GBF1: variants seen among roughly 807,000 people sequenced by gnomAD.
GBF1 encodes the protein Golgi-specific brefeldin A-resistance guanine nucleotide exchange factor 1.
A neutral mutation model predicts 210.5 loss-of-function variants in GBF1; 114 were observed. The ratio of observed to expected loss-of-function variants is 0.54; its 90% confidence interval spans 0.47 to 0.63. The LOEUF (loss-of-function observed/expected upper bound fraction) is 0.63, where lower values mean the gene tolerates loss of function less well. Ranked by LOEUF, GBF1 falls within the 30% of genes least tolerant of loss-of-function variation. The pLI is 0.00. For synonymous variants in GBF1, 850 were observed against 889.2 expected (o/e 0.96, Z 0.78); for missense variants, 1,851 against 2,357.7 (o/e 0.79, Z 4.45).
chr10:102,369,578 T>C, intron 24 of GBF1, 133 bp from the exon 25 acceptor site: 1 of 917,238 alleles, frequency 1.1e-6, no homozygotes, highest in East Asian at 2.6e-5. Context: ...TAGATGCCAT[T>C]GCCAGTCACC....
intron 3 of GBF1, among the ~76,000 whole-genome samples, chr10:102,334,105 G>T (rs1393771999): frequency 6.6e-6 from 1 of 152,168 alleles, no homozygotes; most frequent in Non-Finnish European, 1.5e-5. Context: ...TATTTGCAGG[G>T]TAAAGAACAT....
chr10:102,234,733 A>G, the GBF1 span, among the ~76,000 whole-genome samples: 1 of 152,174 alleles, frequency 6.6e-6, no homozygotes, highest in East Asian at 1.9e-4. Flanking sequence ...GAGCTGGGAA[A>G]AAACCCAGAG....
chr10:102,340,780 G>T (rs766346587), intron 3 of GBF1, among the ~76,000 whole-genome samples: 1 of 152,136 alleles, frequency 6.6e-6, no homozygotes, highest in Non-Finnish European at 1.5e-5. Context: ...AAGGAAAAAT[G>T]AGCCTCAATC....
chr10:102,380,970 G>C (rs2060808113), intron 38 of GBF1, among the ~76,000 whole-genome samples, 157 bp from the exon 39 acceptor site: 1 of 152,014 alleles, frequency 6.6e-6, no homozygotes, highest in Non-Finnish European at 1.5e-5. Context: ...ATCACAGCCT[G>C]AGTGACAGAA....
Position 102,259,040 on chromosome 10 carries a change from T to C in GBF1, c.96+6T>C, listed in dbSNP as rs200191990. 2 of 1,455,996 alleles carry C rather than the reference T, an allele frequency of 1.4e-6. No individual in the cohort carries two copies. Among genetic ancestry groups the C allele is most frequent in the Non-Finnish European group, 1.9e-6 (2 of 1,035,726 alleles). 90.2% of individuals were successfully genotyped at this position (1,455,996 alleles called of 1,614,324 possible). ...GGAGCACCCATACACCACTGGTAAG[T>C]GGGAAATGGATAAATAGCCTGGTCA... On this transcript the variant is annotated splice_donor_region_variant and intron_variant, in intron 2 of 39. Transcript: ENST00000369983.
At chr10:102,231,632 C>T in the GBF1 span, 1 of 1,611,814 alleles carries the variant, frequency 6.2e-7, no homozygotes, top group Non-Finnish European at 8.5e-7. Flanking sequence ...GCGATCTCCT[C>T]GCGCGTGCTC....
chr10:102,299,534 G>A (rs1014277316), intron 3 of GBF1, among the ~76,000 whole-genome samples: 3 of 152,210 alleles, frequency 2.0e-5, no homozygotes, highest in Non-Finnish European at 2.9e-5. Context: ...TGTAATCCCA[G>A]CACTTTGGGA....
intron 3 of GBF1, among the ~76,000 whole-genome samples, chr10:102,295,143 A>G (rs2076811485): frequency 6.6e-6 from 1 of 152,154 alleles, no homozygotes; most frequent in Non-Finnish European, 1.5e-5. Context: ...ATAGAGCTCC[A>G]CTCATTTGTT....
Position 102,363,142 on chromosome 10 carries a change from G to A in GBF1, c.1877-114G>A. 1.1e-6 allele frequency: 1 copy of A among 924,036 alleles called. No individual in the cohort carries two copies. The highest frequency in any genetic ancestry group is 1.9e-5 in the South Asian group (1 of 53,354). 57.2% of individuals were successfully genotyped at this position (924,036 alleles called of 1,614,324 possible). On this transcript the variant is annotated intron_variant, in intron 15 of 39. Transcript: ENST00000369983. The surrounding 1 kb of genome is among the most constrained non-coding windows in gnomAD (Gnocchi z 4.2). Reference sequence around the variant, plus strand: ...GCTTGGGTTTGTCCTGCTCAGGGCTGGCGCCCTGTGCAGGAACCATGCAGG... The same window carrying A: ...GCTTGGGTTTGTCCTGCTCAGGGCTAGCGCCCTGTGCAGGAACCATGCAGG...
chr10:102,240,592 A>C (rs1270646120), upstream of GBF1, among the ~76,000 whole-genome samples: 1 of 152,218 alleles, frequency 6.6e-6, no homozygotes, highest in Non-Finnish European at 1.5e-5. Context: ...CGCCACTGCC[A>C]GACACAACTC....
chr10:102,269,360 T>G (rs1420299691), intron 3 of GBF1, among the ~76,000 whole-genome samples: 3 of 152,148 alleles, frequency 2.0e-5, no homozygotes, highest in African/African-American at 4.8e-5. Context: ...GGCATATGAT[T>G]TGGTGGAAAG....
intron 4 of GBF1, among the ~76,000 whole-genome samples, chr10:102,345,668 A>G (rs2058511171): frequency 6.6e-6 from 1 of 151,426 alleles, no homozygotes; most frequent in Non-Finnish European, 1.5e-5. Context: ...AAAAAAAAAA[A>G]AAAAGCAGAT....
rs915283303 is a variant in GBF1 at position 102,367,425 on chromosome 10, G to T, written c.2560-53G>T. The T allele has an allele frequency of 3.2e-6, 4 of 1,258,674 alleles. No homozygotes were observed. In the East Asian group the frequency reaches 9.2e-5, roughly 29 times the overall value. 78.0% of individuals were successfully genotyped at this position (1,258,674 alleles called of 1,614,324 possible). A position where few individuals can be genotyped will look rare whatever the true frequency, so the allele number is the denominator to read the frequency against. On this transcript the variant is annotated intron_variant, in intron 20 of 39. Transcript: ENST00000369983. ...TTACTGAAAACCCAGGAGTTCCTTA[G>T]GTGGGGCTTCAGTGTTGACACAAGG... is the stretch of plus-strand genomic sequence containing the variant.
Position 102,380,242 on chromosome 10 carries a change from G to T in GBF1, c.4879-7G>T. On this transcript the variant is annotated splice_polypyrimidine_tract_variant and splice_region_variant and intron_variant, in intron 36 of 39. Coordinates refer to ENST00000369983, the MANE Select transcript of GBF1 (RefSeq NM_001377137.1). ...CCCCTCAGCTGAAGGGGGCTGGTGG[G>T]CCATAGGTCTTCCTGCAGCACCTGT... 6.3e-7 allele frequency: 1 copy of T among 1,597,128 alleles called. No individual in the cohort carries two copies. The highest frequency in any genetic ancestry group is 8.6e-7 in the Non-Finnish European group (1 of 1,164,496).
intron 3 of GBF1, among the ~76,000 whole-genome samples, chr10:102,278,359 A>G (rs1430392555): frequency 2.0e-5 from 3 of 151,834 alleles, no homozygotes; most frequent in Admixed American, 2.0e-4. Context: ...AGCTTACTGC[A>G]GCCTAGAACT....
Position 102,360,224 on chromosome 10 carries a change from G to C in GBF1, c.1221G>C (p.Glu407Asp). 6.2e-7 allele frequency: 1 copy of C among 1,613,988 alleles called. No individual in the cohort carries two copies. The highest frequency in any genetic ancestry group is 8.5e-7 in the Non-Finnish European group (1 of 1,179,922). Residue 407 changes from glutamate (E) to aspartate (D), a missense_variant, in exon 12 of 40, where the codon GAG (glutamate) becomes GAC (aspartate). Glu to Asp is a conservative substitution (Grantham distance 45, BLOSUM62 2). This residue lies in a region of GBF1 where 804 missense variants were observed against 958.6 expected (regional missense o/e 0.84). Transcript: ENST00000369983. Reference protein sequence around the residue: ...LVPYGLPCIRELFRFLISLTN... With the variant: ...LVPYGLPCIRDLFRFLISLTN... The stretch of plus-strand genomic sequence containing the variant: ...CCTATGGTCTTCCCTGCATCCGCGA[G>C]CTCTTCCGCTTCCTCATCTCCCTCA...
chr10:102,318,099 A>C (rs2056004252), intron 3 of GBF1, among the ~76,000 whole-genome samples: 1 of 151,852 alleles, frequency 6.6e-6, no homozygotes. Flanking sequence ...TAGTAGAGAC[A>C]AGGTTTCACC....
chr10:102,360,875 T>C (rs1437367130), intron 12 of GBF1, 147 bp from the exon 13 acceptor site: 3 of 628,180 alleles, frequency 4.8e-6, no homozygotes, highest in Non-Finnish European at 8.6e-6. Context: ...CTTGGGAGGC[T>C]GAGGAAGGAG....
At chr10:102,364,217 CTTTTTTTTTTTTTTT>C (rs1031275118) in intron 17 of GBF1, among the ~76,000 whole-genome samples, 1 of 66,940 alleles carries the variant, frequency 1.5e-5, no homozygotes, top group Non-Finnish European at 2.8e-5. Context: ...CTTTGGATTT[CTTTTTTTTTTTTTTT>C]TTTTTTTTTT....
Sources: gnomAD v4.1 joint callset for allele counts (sites outside exome capture counted in the v4.1 genomes callset) on GRCh38, gnomAD v4.1.1 for gene constraint, gnomAD v4.1.1 regional missense constraint, Gnocchi (gnomAD v3.1) non-coding constraint, MANE v1.5 for transcripts, NCBI Gene and HGNC (gene_info 2026-07-23, HGNC 2026-07-21) for gene names.